The following KCNJ11 variants were observed in gnomAD, a reference collection of about 807,000 sequenced individuals.
KCNJ11 encodes the protein potassium inwardly rectifying channel subfamily J member 11.
Under a neutral mutation model 17.3 loss-of-function variants are expected in KCNJ11, and 12 were observed. That is an observed-to-expected ratio of 0.69 (90% CI 0.44 to 1.12). KCNJ11 has a LOEUF of 1.12. KCNJ11 is among the 50% of genes most tolerant of loss of function. KCNJ11 has a pLI of 0.00. For synonymous variants in KCNJ11, 211 were observed against 223.4 expected (o/e 0.94, Z 0.50); for missense variants, 386 against 554.1 (o/e 0.70, Z 3.05).
At position 17,388,070 on chromosome 11, in the gene KCNJ11, T is replaced by C; in HGVS notation, c.22A>G (p.Ile8Val). 3 of 1,611,376 alleles carry C rather than the reference T, an allele frequency of 1.9e-6. No individual in the cohort carries two copies. Among genetic ancestry groups the C allele is most frequent in the South Asian group, 2.2e-5 (2 of 91,084 alleles). MLSRKGI[I>V]PEEYVLTRLA... ...CGTGTCAGCACGTATTCCTCGGGGATGATGCCCTTGCGGGACAGCATGGCT... is the reference window on the plus strand; with the variant it reads ...CGTGTCAGCACGTATTCCTCGGGGACGATGCCCTTGCGGGACAGCATGGCT... Residue 8 changes from isoleucine to valine, a missense_variant, in exon 1 of 1, where the codon ATC (isoleucine) becomes GTC (valine). By Grantham distance (29) the Ile-to-Val change is conservative (BLOSUM62 3). Coordinates refer to ENST00000339994, the MANE Select transcript of KCNJ11 (RefSeq NM_000525.4).
rs1366852240 is a variant in KCNJ11, at chr11:17,385,703, T to C, written c.*1216A>G. ...GAGACAGGAGAGGGGAAAGTCCCCC[T>C]GAACTGGTGGAAGAGGTGCCAGCCT... On this transcript the variant is annotated 3_prime_UTR_variant, in exon 1 of 1. Coordinates refer to ENST00000339994, the MANE Select transcript of KCNJ11 (RefSeq NM_000525.4). Among the ~76,000 whole-genome samples the C allele has an allele frequency of 6.6e-6, 1 of 152,194 alleles. No individual in the cohort carries two copies. Among genetic ancestry groups the C allele is most frequent in the African/African-American group, 2.4e-5 (1 of 41,448 alleles).
Position 17,387,185 on chromosome 11 carries a change from A to AGGTG in KCNJ11, c.903_906dup (p.Ser303HisfsTer7). On this transcript the variant is annotated frameshift_variant, in exon 1 of 1. Coordinates refer to ENST00000339994, the MANE Select transcript of KCNJ11 (RefSeq NM_000525.4). ...CACAGGATCTCATCGGCCAGGTAGG[A>AGGTG]GGTGCGGGCCTGGGTGGTGATGCCC... The AGGTG allele has an allele frequency of 6.2e-7, 1 of 1,614,138 alleles. No individual in the cohort carries two copies. Among genetic ancestry groups the AGGTG allele is most frequent in the Non-Finnish European group, 8.5e-7 (1 of 1,180,020 alleles).
In KCNJ11 at chr11:17,386,809, A is replaced by T; in HGVS notation, c.*110T>A. 1 of 888,608 alleles carries T rather than the reference A, an allele frequency of 1.1e-6. No individual in the cohort carries two copies. The highest frequency in any genetic ancestry group is 1.7e-6 in the Non-Finnish European group (1 of 579,812). 55.0% of individuals were successfully genotyped at this position (888,608 alleles called of 1,614,324 possible). A position where few individuals can be genotyped will look rare whatever the true frequency, so the allele number is the denominator to read the frequency against. On this transcript the variant is annotated 3_prime_UTR_variant, in exon 1 of 1. Transcript: ENST00000339994. ...CCTTGTAACACCCTGGATGAGCAGC[A>T]GGGGGAGGCTGAGCTGAGGCTGGCC... is the stretch of plus-strand genomic sequence containing the variant.
rs2133378582 is a variant in KCNJ11, at chr11:17,386,928, G to C, written c.1164C>G (p.Ser388=). 6.2e-7 allele frequency: 1 copy of C among 1,612,524 alleles called. No individual in the cohort carries two copies. The highest frequency in any genetic ancestry group is 8.5e-7 in the Non-Finnish European group (1 of 1,179,244). Residue 388 remains serine (S), a synonymous_variant, in exon 1 of 1, where the codon TCC becomes TCG. Coordinates refer to ENST00000339994, the MANE Select transcript of KCNJ11 (RefSeq NM_000525.4). ...CCCGAGAGACCATGGCTCAGGACAG[G>C]GAATCTGGAGAGATGCTGAACTTGG... is the stretch of plus-strand genomic sequence containing the variant. ...AKPKFSISPD[S]LS
upstream of KCNJ11, chr11:17,389,056 C>T (rs1953610731): frequency 5.8e-6 from 1 of 173,164 alleles, no homozygotes; most frequent in Non-Finnish European, 1.3e-5. Context: ...CTCCCCGGAC[C>T]TGCGCGCGAC....
Position 17,386,922 on chromosome 11 carries a change from G to A in KCNJ11, c.1170C>T (p.Ser390=). ...GGGGGGCCCGAGAGACCATGGCTCA[G>A]GACAGGGAATCTGGAGAGATGCTGA... ...PKFSISPDSL[S] The change falls in exon 1 of 1, where the codon TCC becomes TCT. Residue 390 remains serine (S), a synonymous_variant. Transcript: ENST00000339994. 6.2e-7 allele frequency: 1 copy of A among 1,612,056 alleles called. No individual in the cohort carries two copies. Among genetic ancestry groups the A allele is most frequent in the Non-Finnish European group, 8.5e-7 (1 of 1,179,030 alleles).
Position 17,387,382 on chromosome 11 carries a change from T to C in KCNJ11, c.710A>G (p.Asp237Gly). 1 of 1,614,080 alleles carries C rather than the reference T, an allele frequency of 6.2e-7. No individual in the cohort carries two copies. Residue 237 changes from aspartate (D) to glycine (G), a missense_variant, in exon 1 of 1, where the codon GAC becomes GGC. Transcript: ENST00000339994. ...EGEVVPLHQV[D>G]IPMENGVGGN... is the part of the protein sequence containing the mutation. Reference sequence around the variant, plus strand: ...ACCCACGCCGTTCTCCATGGGGATGTCCACCTGGTGGAGGGGCACCACCTC... The same window carrying C: ...ACCCACGCCGTTCTCCATGGGGATGCCCACCTGGTGGAGGGGCACCACCTC...
chr11:17,388,807 G>C, upstream of KCNJ11: 1 of 455,618 alleles, frequency 2.2e-6, no homozygotes, highest in South Asian at 1.6e-5. Context: ...CCACTAACCG[G>C]ACCTCACCCC....
In KCNJ11 at chr11:17,387,243, G is replaced by T; in HGVS notation, c.849C>A (p.Ile283=). Residue 283 remains isoleucine, a synonymous_variant, in exon 1 of 1, where the codon ATC becomes ATA. Transcript: ENST00000339994. Reference sequence around the variant, plus strand: ...CCACCACGCCTTCCAGGATGACGATGATCTCGAGGTCCTGGTGGTGGTGCA... The same window carrying T: ...CCACCACGCCTTCCAGGATGACGATTATCTCGAGGTCCTGGTGGTGGTGCA... ...SDLHHHQDLE[I]IVILEGVVET... The T allele has an allele frequency of 1.2e-6, 2 of 1,614,230 alleles. No homozygotes were observed. Among genetic ancestry groups the T allele is most frequent in the Non-Finnish European group, 1.7e-6 (2 of 1,180,032 alleles).
At position 17,388,072 on chromosome 11, in the gene KCNJ11, A is replaced by C. The variant is rs1390974211; in HGVS notation, c.20T>G (p.Ile7Ser). ...TGTCAGCACGTATTCCTCGGGGATG[A>C]TGCCCTTGCGGGACAGCATGGCTCC... MLSRKG[I>S]IPEEYVLTRL... Residue 7 changes from isoleucine (I) to serine (S), a missense_variant, in exon 1 of 1, where the codon ATC (isoleucine) becomes AGC (serine). Ile to Ser is a moderately radical substitution (Grantham distance 142). Coordinates refer to ENST00000339994, the MANE Select transcript of KCNJ11 (RefSeq NM_000525.4). 4 of 1,611,252 alleles carry C rather than the reference A, an allele frequency of 2.5e-6. No homozygotes were observed. The Admixed American group carries it at 5.0e-5, about 20-fold the overall frequency.
chr11:17,388,949 C>A, upstream of KCNJ11: 1 of 429,562 alleles, frequency 2.3e-6, no homozygotes. Flanking sequence ...CCGGAGCGCC[C>A]CCGCCGCTTT....
rs1953560064 is a variant in KCNJ11, at chr11:17,386,607, CGTG to C, written c.*309_*311del. ...CCGGCCCAGAGTGTGGCTGGTCAAT[CGTG>C]GGGACCCAGGACTGGCTGGACGCAC... On this transcript the variant is annotated 3_prime_UTR_variant, in exon 1 of 1. Transcript: ENST00000339994. The C allele has an allele frequency of 6.2e-6, 2 of 320,982 alleles. No individual in the cohort carries two copies. The highest frequency in any genetic ancestry group is 1.6e-4 in the South Asian group (2 of 12,680). The allele number at this position is 320,982 out of a possible 1,614,324, so 19.9% of individuals were successfully genotyped here. A position where few individuals can be genotyped will look rare whatever the true frequency, so the allele number is the denominator to read the frequency against.
At chr11:17,388,745 G>A, upstream of KCNJ11, 2 of 302,286 alleles carry the variant, frequency 6.6e-6, no homozygotes, top group African/African-American at 2.7e-5. Flanking sequence ...CCTTCTCCCC[G>A]CCCAGCCTGC....
upstream of KCNJ11, chr11:17,388,694 T>C (rs1953604578): frequency 5.8e-6 from 2 of 345,174 alleles, no homozygotes; most frequent in Non-Finnish European, 6.3e-6. Flanking sequence ...TCCCCCAGCT[T>C]CCCCCACCAG....
In KCNJ11 at chr11:17,388,594, A is replaced by G. The variant is rs1953602702; in HGVS notation, c.-503T>C. ...GACTCCGTCTCAAAAACAAAAAACA[A>G]AACAAAAAAAACAGCCTCACCCTTG... is the stretch of plus-strand genomic sequence containing the variant. On this transcript the variant is annotated 5_prime_UTR_variant, in exon 1 of 1. Transcript: ENST00000339994. 1 of 290,108 alleles carries G rather than the reference A, an allele frequency of 3.4e-6. No individual in the cohort carries two copies. Among genetic ancestry groups the G allele is most frequent in the South Asian group, 2.6e-5 (1 of 39,102 alleles). 18.0% of individuals were successfully genotyped at this position (290,108 alleles called of 1,614,324 possible). A position where few individuals can be genotyped will look rare whatever the true frequency, so the allele number is the denominator to read the frequency against.
chr11:17,387,813 G>T lies in KCNJ11; in HGVS notation c.279C>A (p.Ile93=). Residue 93 remains isoleucine, a synonymous_variant, in exon 1 of 1, where the codon ATC becomes ATA. Transcript: ENST00000339994. Reference sequence around the variant, plus strand: ...GGGCCAGGTCACCGTGGGCGAAGGCGATGAGCCACCAGGCCATGGCGAAGA... The same window carrying T: ...GGGCCAGGTCACCGTGGGCGAAGGCTATGAGCCACCAGGCCATGGCGAAGA... ...WLLFAMAWWL[I]AFAHGDLAPS... is the part of the protein sequence containing the mutation. The T allele has an allele frequency of 6.2e-7, 1 of 1,614,142 alleles. No homozygotes were observed. The highest frequency in any genetic ancestry group is 8.5e-7 in the Non-Finnish European group (1 of 1,180,032).
rs934827298 is a variant in KCNJ11, at chr11:17,388,386, C to G, written c.-295G>C. The G allele has an allele frequency of 6.8e-6, 3 of 444,140 alleles. No individual in the cohort carries two copies. The highest frequency in any genetic ancestry group is 5.9e-5 in the African/African-American group (3 of 50,814). 27.5% of individuals were successfully genotyped at this position (444,140 alleles called of 1,614,324 possible). A position where few individuals can be genotyped will look rare whatever the true frequency, so the allele number is the denominator to read the frequency against. On this transcript the variant is annotated 5_prime_UTR_variant, in exon 1 of 1. Coordinates refer to ENST00000339994, the MANE Select transcript of KCNJ11 (RefSeq NM_000525.4). Reference sequence around the variant, plus strand: ...CACTAGGTCAGGAGTTCGAGACCAGCCTGACCAACATGGTGAAACCCCATC... The same window carrying G: ...CACTAGGTCAGGAGTTCGAGACCAGGCTGACCAACATGGTGAAACCCCATC...
chr11:17,387,793 A>G lies in KCNJ11; in HGVS notation c.299T>C (p.Leu100Pro). 6.2e-7 allele frequency: 1 copy of G among 1,614,152 alleles called. No individual in the cohort carries two copies. The highest frequency in any genetic ancestry group is 8.5e-7 in the Non-Finnish European group (1 of 1,180,028). Residue 100 changes from leucine (L) to proline (P), a missense_variant, in exon 1 of 1, where the codon CTG becomes CCG. Coordinates refer to ENST00000339994, the MANE Select transcript of KCNJ11 (RefSeq NM_000525.4). ...CTCAGCAGTGCCCTCGCTGGGGGCC[A>G]GGTCACCGTGGGCGAAGGCGATGAG... ...WWLIAFAHGD[L>P]APSEGTAEPC... is the part of the protein sequence containing the mutation.
At position 17,388,144 on chromosome 11, in the gene KCNJ11, C is replaced by A. The variant is rs1367437447; in HGVS notation, c.-53G>T. 1 of 1,563,844 alleles carries A rather than the reference C, an allele frequency of 6.4e-7. No individual in the cohort carries two copies. The highest frequency in any genetic ancestry group is 8.8e-7 in the Non-Finnish European group (1 of 1,141,386). On this transcript the variant is annotated 5_prime_UTR_variant, in exon 1 of 1. Coordinates refer to ENST00000339994, the MANE Select transcript of KCNJ11 (RefSeq NM_000525.4). ...TCCCCCATCGGAGGCACCCCTCGGA[C>A]GTGGCCTAGGGCCTCACTGCAGAGT...
Sources: gnomAD v4.1 joint callset for allele counts (sites outside exome capture counted in the v4.1 genomes callset) on GRCh38, gnomAD v4.1.1 for gene constraint, MANE v1.5 for transcripts, NCBI Gene and HGNC (gene_info 2026-07-23, HGNC 2026-07-21) for gene names.